UNKL: variants seen among roughly 807,000 people sequenced by gnomAD.
The protein encoded by UNKL is putative E3 ubiquitin-protein ligase UNKL.
UNKL carries 60 observed loss-of-function variants against 78.0 expected under a neutral mutation model. The ratio of observed to expected loss-of-function variants is 0.77; its 90% CI spans 0.63 to 0.95. UNKL has a LOEUF of 0.95. UNKL is among the 40% of genes least tolerant of loss of function. The pLI, the probability that UNKL is intolerant of heterozygous loss-of-function variation, is 0.00. For missense variants in UNKL, 1,159 were observed against 1,045.7 expected, an observed-to-expected ratio of 1.11 and a Z score of -1.49; for synonymous variants, 608 against 474.8, an observed-to-expected ratio of 1.28 and a Z score of -3.65.
chr16:1,412,804 TC>T (rs1199552304), intron 2 of UNKL, among the ~76,000 whole-genome samples: 6 of 152,226 alleles, frequency 3.9e-5, no homozygotes, highest in African/African-American at 4.8e-5. Context: ...ATGCCTGGAA[TC>T]CCAGTACTTT....
At chr16:1,398,926 G>C in intron 5 of UNKL, 1 of 1,554,688 alleles carries the variant, frequency 6.4e-7, no homozygotes, top group South Asian at 1.2e-5. Flanking sequence ...TAAGGACCCG[G>C]CGTCCCAGCT....
chr16:1,406,311 T>C (rs1254235892), intron 2 of UNKL, among the ~76,000 whole-genome samples: 2 of 151,980 alleles, frequency 1.3e-5, no homozygotes, highest in African/African-American at 4.8e-5. Flanking sequence ...CTCCTGCGTT[T>C]AAGCGATTCT....
chr16:1,410,257 C>A (rs865954729), intron 2 of UNKL, among the ~76,000 whole-genome samples: 1 of 137,564 alleles, frequency 7.3e-6, no homozygotes, highest in African/African-American at 2.7e-5. Context: ...CAAAGCAAGA[C>A]CCTGTCTCAG....
rs758823885 is a variant in UNKL, at chr16:1,367,159, G to A, written c.1979C>T (p.Thr660Ile). The change falls in exon 14 of 15, where the codon ACC becomes ATC. Residue 660 changes from threonine (T) to isoleucine (I), a missense_variant. Physicochemically the swap from Thr to Ile is moderately conservative, Grantham distance 89 (BLOSUM62 -1). Coordinates refer to ENST00000389221, the MANE Select transcript of UNKL (RefSeq NM_001372107.1). ...CGAGTGCAGCTTCGGCAGGGGAATG[G>A]TGCCGATGTCCCCACAGCCCCGCAG... ...PGLRGCGDIG[T>I]IPLPKLHSLQ... 2.5e-6 allele frequency: 4 copies of A among 1,604,106 alleles called. No individual in the cohort carries two copies. The African/African-American group carries it at 5.4e-5, about 21-fold the overall frequency.
chr16:1,375,570 T>C (rs2036155749), intron 10 of UNKL, among the ~76,000 whole-genome samples: 1 of 152,070 alleles, frequency 6.6e-6, no homozygotes, highest in African/African-American at 2.4e-5. Flanking sequence ...ACACGGCGCA[T>C]GCGGGAGTGG....
At position 1,397,778 on chromosome 16, in the gene UNKL, A is replaced by G. The variant is rs1321865483; in HGVS notation, c.735-483T>C. Among the ~76,000 whole-genome samples the G allele has an allele frequency of 5.9e-5, 4 of 67,278 alleles. No homozygotes were observed. In the East Asian group the frequency reaches 1.5e-3, roughly 25 times the overall value. 44.1% of individuals were successfully genotyped at this position (67,278 alleles called of 152,430 possible). A position where few individuals can be genotyped will look rare whatever the true frequency, so the allele number is the denominator to read the frequency against. On this transcript the variant is annotated intron_variant, in intron 5 of 14. Transcript: ENST00000389221. ...GGGACACAGAGGACTTGGCTCCCCC[A>G]CCCCGACCCCCGTGCTTCACGCTGG... is the stretch of plus-strand genomic sequence containing the variant.
intron 12 of UNKL, among the ~76,000 whole-genome samples, chr16:1,368,511 A>G (rs549915048): frequency 1.4e-5 from 2 of 146,692 alleles, no homozygotes; most frequent in East Asian, 4.3e-4. Context: ...CTGAGGCAGG[A>G]GAATGGCGTG....
intron 2 of UNKL, among the ~76,000 whole-genome samples, chr16:1,408,025 A>T (rs910773140): frequency 6.6e-6 from 1 of 151,884 alleles, no homozygotes; most frequent in African/African-American, 2.4e-5. Context: ...GGATCAGCTG[A>T]GTCCAGGAGG....
chr16:1,369,977 G>T (rs1206054889), intron 12 of UNKL, 153 bp downstream of exon 12: 1 of 1,550,726 alleles, frequency 6.4e-7, no homozygotes, highest in East Asian at 2.4e-5. Flanking sequence ...TCGGTCTGCG[G>T]CGTGGGGGAA....
chr16:1,398,031 C>G (rs1317693910), intron 5 of UNKL, among the ~76,000 whole-genome samples: 3 of 152,238 alleles, frequency 2.0e-5, no homozygotes, highest in Non-Finnish European at 2.9e-5. Context: ...GAGTCTCAGT[C>G]AGAGCCACCC....
In UNKL at chr16:1,376,212, C is replaced by T. The variant is rs116014060; in HGVS notation, c.1265-4601G>A. Among the ~76,000 whole-genome samples the T allele has an allele frequency of 7.5e-3, 1,090 of 145,512 alleles. 9 individuals are homozygous for T. Among genetic ancestry groups the T allele is most frequent in the African/African-American group, 0.026 (995 of 38,232 alleles). On this transcript the variant is annotated intron_variant, in intron 10 of 14. Transcript: ENST00000389221. ...TCCTCCCTCCTCCCTCACTCCAAGG[C>T]TGGGGCATGCTCCTCCCTCCTCCCT...
At chr16:1,367,506 C>CCCTG in intron 13 of UNKL, 150 bp downstream of exon 13, 1 of 500,938 alleles carries the variant, frequency 2.0e-6, no homozygotes, top group Non-Finnish European at 3.1e-6. Context: ...CCCTCCCTCC[C>CCCTG]TCCCTCCCCC....
chr16:1,371,380 G>A, intron 11 of UNKL, 139 bp downstream of exon 11: 1 of 782,168 alleles, frequency 1.3e-6, no homozygotes, highest in Non-Finnish European at 2.0e-6. Context: ...GTCTTGCCCT[G>A]TGGTCCAGGC....
chr16:1,386,663 T>C (rs577798027), intron 9 of UNKL, among the ~76,000 whole-genome samples: 6 of 152,204 alleles, frequency 3.9e-5, no homozygotes, highest in Non-Finnish European at 8.8e-5. Flanking sequence ...ATTTTACTAG[T>C]TTGTCTCCTT....
chr16:1,399,535 G>C lies in UNKL; in HGVS notation c.599-26C>G, dbSNP rs373088079. 1.3e-6 allele frequency: 2 copies of C among 1,575,034 alleles called. No individual in the cohort carries two copies. The highest frequency in any genetic ancestry group is 1.7e-6 in the Non-Finnish European group (2 of 1,162,410). ...CTGAAAAATGGGCCACACGGTGCCTGAGCAGCGCGACTGGAAGCAATGCTG... is the reference window on the plus strand; with the variant it reads ...CTGAAAAATGGGCCACACGGTGCCTCAGCAGCGCGACTGGAAGCAATGCTG... On this transcript the variant is annotated intron_variant, in intron 4 of 14. Transcript: ENST00000389221. The surrounding 1 kb of genome is among the most constrained non-coding windows in gnomAD (Gnocchi z 5.8).
At chr16:1,373,022 G>A (rs532597792) in intron 10 of UNKL, among the ~76,000 whole-genome samples, 103 of 7,174 alleles carry the variant, frequency 0.014, 41 homozygotes, top group African/African-American at 0.016. Flanking sequence ...GGCCAACACC[G>A]CAGAGACCTC....
Position 1,371,984 on chromosome 16 carries a change from C to T in UNKL, c.1265-373G>A, listed in dbSNP as rs184981406. 4.9e-4 allele frequency among the ~76,000 whole-genome samples: 74 copies of T among 152,214 alleles called. 1 individual carries two copies. Among genetic ancestry groups the T allele is most frequent in the East Asian group, 7.7e-4 (4 of 5,182 alleles). On this transcript the variant is annotated intron_variant, in intron 10 of 14. Coordinates refer to ENST00000389221, the MANE Select transcript of UNKL (RefSeq NM_001372107.1). ...TTAAAAAACTTTCCAGGGCCGGGTGCGGTGGCTCACACCTGTAATCCCAGC... is the reference window on the plus strand; with the variant it reads ...TTAAAAAACTTTCCAGGGCCGGGTGTGGTGGCTCACACCTGTAATCCCAGC...
At chr16:1,380,537 T>C (rs1271656664) in intron 10 of UNKL, among the ~76,000 whole-genome samples, 1 of 150,754 alleles carries the variant, frequency 6.6e-6, no homozygotes, top group Non-Finnish European at 1.5e-5. Context: ...AGGAAAAAAG[T>C]GAGGCTGGCA....
intron 10 of UNKL, among the ~76,000 whole-genome samples, chr16:1,383,163 T>C (rs113140535): frequency 5.7e-4 from 81 of 142,476 alleles, no homozygotes; most frequent in African/African-American, 2.0e-3. Flanking sequence ...TCCCAGCTAC[T>C]CTGGAGGCTG....
Sources: allele counts gnomAD v4.1 joint callset (sites outside exome capture counted in the v4.1 genomes callset), GRCh38; gene constraint gnomAD v4.1.1; non-coding constraint Gnocchi (gnomAD v3.1); transcripts MANE v1.5; gene names NCBI Gene and HGNC (gene_info 2026-07-23, HGNC 2026-07-21).